Variants in ULK1 observed in about 807,000 individuals in gnomAD.
ULK1 encodes unc-51 like autophagy activating kinase 1.
A neutral mutation model predicts 117.5 loss-of-function variants in ULK1; 48 were observed. The observed-to-expected ratio is 0.41, with a 90% CI of 0.32 to 0.52. The LOEUF is 0.52. ULK1 is among the 20% of genes least tolerant of loss of function. The probability of loss-of-function intolerance (pLI) is 0.29; values close to 1 mark genes in which losing one functional copy is unlikely to be tolerated. For synonymous variants in ULK1, 790 were observed against 637.8 expected, an observed-to-expected ratio of 1.24 and a Z score of -3.60; for missense variants, 1,387 against 1,473.4, an observed-to-expected ratio of 0.94 and a Z score of 0.96.
chr12:131,915,732 G>C (rs1272846973), intron 18 of ULK1, among the ~76,000 whole-genome samples, 159 bp from the exon 19 acceptor site: 2 of 152,200 alleles, frequency 1.3e-5, no homozygotes, highest in Admixed American at 6.5e-5. Flanking sequence ...TCATACCACC[G>C]CACTCCAGCC....
At chr12:131,911,280 T>G (rs912909910) in intron 12 of ULK1, among the ~76,000 whole-genome samples, 3 of 152,206 alleles carry the variant, frequency 2.0e-5, no homozygotes, top group Admixed American at 2.0e-4. Flanking sequence ...AGGCATGGTG[T>G]TGTGGCTGGT....
chr12:131,913,142 G>C, intron 13 of ULK1, 56 bp from the exon 14 acceptor site: 1 of 1,487,752 alleles, frequency 6.7e-7, no homozygotes, highest in East Asian at 2.5e-5. Context: ...CGGTGGGGTG[G>C]GGTGGCCCTG....
Position 131,922,278 on chromosome 12 carries a change from G to C in ULK1, c.*917G>C, listed in dbSNP as rs547494938. 7.9e-4 allele frequency: 274 copies of C among 348,790 alleles called. 1 individual carries two copies. Among genetic ancestry groups the C allele is most frequent in the African/African-American group, 5.5e-3 (258 of 46,678 alleles). 21.6% of individuals were successfully genotyped at this position (348,790 alleles called of 1,614,324 possible). A position where few individuals can be genotyped will look rare whatever the true frequency, so the allele number is the denominator to read the frequency against. On this transcript the variant is annotated 3_prime_UTR_variant, in exon 28 of 28. Transcript: ENST00000321867. ...TGGCACAGGGGCGTGTGGCGGGCGG[G>C]TGAGGCTGCTTTGCACACCTGTGTT...
Position 131,919,599 on chromosome 12 carries a change from T to C in ULK1, c.2803+9T>C, listed in dbSNP as rs189803260. ...GTCCACTGTGAAGCAGGGTGAGGGCTGCGACCGCTCAGCCCACATGCCGGG... is the reference window on the plus strand; with the variant it reads ...GTCCACTGTGAAGCAGGGTGAGGGCCGCGACCGCTCAGCCCACATGCCGGG... On this transcript the variant is annotated intron_variant, in intron 25 of 27. Coordinates refer to ENST00000321867, the MANE Select transcript of ULK1 (RefSeq NM_003565.4). 5 of 1,610,362 alleles carry C rather than the reference T, an allele frequency of 3.1e-6. No individual in the cohort carries two copies. Among genetic ancestry groups the C allele is most frequent in the Non-Finnish European group, 4.2e-6 (5 of 1,179,140 alleles).
Position 131,918,618 on chromosome 12 carries a change from T to G in ULK1, c.2448T>G (p.Thr816=). Residue 816 remains threonine, a synonymous_variant, in exon 23 of 28, where the codon ACT becomes ACG. Coordinates refer to ENST00000321867, the MANE Select transcript of ULK1 (RefSeq NM_003565.4). ...GCTGCAGCTTTGCCGACCCCATTAC[T>G]GCGAACCTGGAGGGGGCTGTGACCT... ...GHGCSFADPI[T]ANLEGAVTFE... 4 of 1,610,284 alleles carry G rather than the reference T, an allele frequency of 2.5e-6. No homozygotes were observed. The highest frequency in any genetic ancestry group is 3.4e-6 in the Non-Finnish European group (4 of 1,178,780).
In ULK1 at chr12:131,920,535, C is replaced by T. The variant is rs553697227; in HGVS notation, c.2961+399C>T. ...TCCCTGCTTGGGCTCTGAAGAGCTC[C>T]CTCTGCCTCTGAGGTGGTGCCCCCT... On this transcript the variant is annotated intron_variant, in intron 26 of 27. Transcript: ENST00000321867. 1.4e-4 allele frequency: 32 copies of T among 226,856 alleles called. 1 individual carries two copies. In the South Asian group the frequency reaches 2.3e-3, roughly 16 times the overall value. The allele number at this position is 226,856 out of a possible 1,614,324, so 14.1% of individuals were successfully genotyped here.
At chr12:131,909,484 AGTCGCCTGTCTG>A (rs886190612) in intron 8 of ULK1, among the ~76,000 whole-genome samples, 15 of 152,058 alleles carry the variant, frequency 9.9e-5, no homozygotes, top group African/African-American at 3.6e-4. Context: ...TCGCCTGTCT[AGTCGCCTGTCTG>A]GTCGCCTGCC....
chr12:131,908,999 G>A (rs774525992), intron 7 of ULK1, 28 bp downstream of exon 7: 3 of 1,612,702 alleles, frequency 1.9e-6, no homozygotes, highest in African/African-American at 2.7e-5. Context: ...GGGCTGTGCC[G>A]GGTGGGCGCC....
In ULK1 at chr12:131,918,600, C is replaced by T. The variant is rs768582885; in HGVS notation, c.2430C>T (p.Ser810=). ...PELPAPGHGC[S]FADPITANLE... ...TCCCTGCTCCAGGACACGGCTGCAG[C>T]TTTGCCGACCCCATTACTGCGAACC... The change falls in exon 23 of 28, where the codon AGC becomes AGT. Residue 810 remains serine (S), a synonymous_variant. Coordinates refer to ENST00000321867, the MANE Select transcript of ULK1 (RefSeq NM_003565.4). 16 of 1,610,856 alleles carry T rather than the reference C, an allele frequency of 9.9e-6. No individual in the cohort carries two copies. In the South Asian group the frequency reaches 1.7e-4, roughly 17 times the overall value.
At chr12:131,911,884 C>T in intron 12 of ULK1, 58 bp from the exon 13 acceptor site, 2 of 1,610,452 alleles carry the variant, frequency 1.2e-6, no homozygotes, top group South Asian at 1.1e-5. Context: ...GGGGAATTTG[C>T]TCCCCTGAGT....
intron 1 of ULK1, 149 bp from the exon 2 acceptor site, chr12:131,895,452 G>C (rs1327534859): frequency 5.9e-6 from 4 of 677,610 alleles, no homozygotes; most frequent in Non-Finnish European, 7.5e-6. Context: ...AGGACCCCCA[G>C]CGCGATCCTC....
chr12:131,913,919 C>T, intron 15 of ULK1, 83 bp downstream of exon 15: 2 of 1,223,948 alleles, frequency 1.6e-6, no homozygotes, highest in East Asian at 3.0e-5. Context: ...TCGCAGCCAG[C>T]CCAGGCCTGC....
chr12:131,921,262 G>A, intron 27 of ULK1, 27 bp downstream of exon 27: 1 of 1,607,890 alleles, frequency 6.2e-7, no homozygotes. Context: ...GCTGGGGGCT[G>A]GGGACTCTGG....
intron 26 of ULK1, 145 bp downstream of exon 26, chr12:131,920,281 A>G (rs1593278308): frequency 9.0e-7 from 1 of 1,112,560 alleles, no homozygotes; most frequent in Non-Finnish European, 1.2e-6. Context: ...AGCATTATGC[A>G]CCCCCAGCCT....
At chr12:131,908,479 C>T (rs1889374104) in intron 5 of ULK1, 165 bp from the exon 6 acceptor site, 3 of 774,242 alleles carry the variant, frequency 3.9e-6, no homozygotes, top group Middle Eastern at 3.9e-4. Flanking sequence ...GCCCTGGTCT[C>T]GGCGGCCCGT....
Position 131,909,959 on chromosome 12 carries a change from C to G in ULK1, c.766C>G (p.Leu256Val). The G allele has an allele frequency of 6.2e-7, 1 of 1,612,128 alleles. No individual in the cohort carries two copies. The highest frequency in any genetic ancestry group is 8.5e-7 in the Non-Finnish European group (1 of 1,179,850). ...CTCGGCCCCGCTGCGGCAGCTGCTCCTGGCCCTACTGCAACGCAACCACAA... is the reference window on the plus strand; with the variant it reads ...CTCGGCCCCGCTGCGGCAGCTGCTCGTGGCCCTACTGCAACGCAACCACAA... ...ETSAPLRQLL[L>V]ALLQRNHKDR... The change falls in exon 10 of 28, where the codon CTG becomes GTG. Residue 256 changes from leucine to valine, a missense_variant. Coordinates refer to ENST00000321867, the MANE Select transcript of ULK1 (RefSeq NM_003565.4).
intron 11 of ULK1, 114 bp downstream of exon 11, chr12:131,910,418 C>A (rs1209262718): frequency 9.3e-6 from 14 of 1,503,702 alleles, no homozygotes; most frequent in Non-Finnish European, 1.3e-5. Context: ...GAGCTGCGGC[C>A]AGCTCCCAGG....
intron 3 of ULK1, among the ~76,000 whole-genome samples, chr12:131,896,230 A>G (rs1336773396): frequency 6.6e-6 from 1 of 151,838 alleles, no homozygotes; most frequent in African/African-American, 2.4e-5. Flanking sequence ...GCTCTGCGTC[A>G]GACGGGGCGG....
At chr12:131,918,906 TAGGGTGTGTGGGGTG>T (rs1890010318) in intron 23 of ULK1, among the ~76,000 whole-genome samples, 2 of 34,776 alleles carry the variant, frequency 5.8e-5, no homozygotes, top group Non-Finnish European at 2.1e-4. Flanking sequence ...GTGTGGGGTG[TAGGGTGTGTGGGGTG>T]CAGGGTGTGT....
Sources: allele counts gnomAD v4.1 joint callset (sites outside exome capture counted in the v4.1 genomes callset), GRCh38; gene constraint gnomAD v4.1.1; transcripts MANE v1.5; gene names NCBI Gene and HGNC (gene_info 2026-07-23, HGNC 2026-07-21).